ITPKB: variants seen among roughly 807,000 people sequenced by gnomAD.
The protein encoded by ITPKB is inositol-trisphosphate 3-kinase B.
Under a neutral mutation model 69.4 loss-of-function variants are expected in ITPKB, and 13 were observed. That is an observed-to-expected ratio of 0.19 (90% CI 0.12 to 0.30). ITPKB has a LOEUF of 0.30. ITPKB is among the 10% of genes least tolerant of loss of function. The probability of loss-of-function intolerance (pLI) is 1.00; values close to 1 mark genes in which losing one functional copy is unlikely to be tolerated. For missense variants in ITPKB, 1,240 were observed against 1,250.5 expected (o/e 0.99, Z 0.13); for synonymous variants, 584 against 513.7 (o/e 1.14, Z -1.85).
intron 2 of ITPKB, among the ~76,000 whole-genome samples, chr1:226,728,817 G>C (rs755928065): frequency 1.3e-5 from 2 of 152,064 alleles, no homozygotes; most frequent in African/African-American, 2.4e-5. Flanking sequence ...GTGTAGACTG[G>C]AATTTCACCC....
intron 2 of ITPKB, among the ~76,000 whole-genome samples, chr1:226,659,958 C>T (rs954827314): frequency 1.3e-5 from 2 of 152,216 alleles, no homozygotes; most frequent in African/African-American, 2.4e-5. Context: ...AGATAAAGCA[C>T]ACCTACACCA....
Position 226,737,202 on chromosome 1 carries a change from C to A in ITPKB, c.257G>T (p.Ser86Ile). 1 of 1,585,888 alleles carries A rather than the reference C, an allele frequency of 6.3e-7. No individual in the cohort carries two copies. Residue 86 changes from serine (S) to isoleucine (I), a missense_variant, in exon 2 of 8, where the codon AGC becomes ATC. Around this residue, in one of 2 missense-constraint regions of ITPKB, gnomAD observed 992 missense variants for 853.8 expected, o/e 1.16. Coordinates refer to ENST00000429204, the MANE Select transcript of ITPKB (RefSeq NM_002221.4). The stretch of plus-strand genomic sequence containing the variant: ...GCCGCTGCTGCCGCTGCCACTGCCG[C>A]TGCTACTATTCAGCCTGCGCCGGCC... ...RSGRRRLNSSSGSGSGSSGSS... is the reference protein window; with the variant it reads ...RSGRRRLNSSIGSGSGSSGSS...
rs1223941369 is a variant in ITPKB at position 226,716,559 on chromosome 1, T to C, written c.1932+18968A>G. Reference sequence around the variant, plus strand: ...ATGCATTAGCTATTTATCCTGATGCTTTCCCTACCTCCACCCGCAAAAGGC... The same window carrying C: ...ATGCATTAGCTATTTATCCTGATGCCTTCCCTACCTCCACCCGCAAAAGGC... On this transcript the variant is annotated intron_variant, in intron 2 of 7. Transcript: ENST00000429204. Among the ~76,000 whole-genome samples the C allele has an allele frequency of 2.0e-5, 3 of 152,356 alleles. No individual in the cohort carries two copies. The East Asian group carries it at 5.8e-4, about 29-fold the overall frequency.
chr1:226,649,396 G>C (rs1161076964), intron 2 of ITPKB, among the ~76,000 whole-genome samples: 1 of 144,638 alleles, frequency 6.9e-6, no homozygotes, highest in African/African-American at 2.6e-5. Context: ...GTGTGCATGA[G>C]TGTGTGTGCA....
intron 7 of ITPKB, among the ~76,000 whole-genome samples, chr1:226,636,120 AGGGT>A (rs1558298191): frequency 1.3e-5 from 2 of 152,234 alleles, no homozygotes; most frequent in Non-Finnish European, 2.9e-5. Context: ...GTGTTGAAGA[AGGGT>A]GGGAACGGCT....
At position 226,632,817 on chromosome 1, in the gene ITPKB, C is replaced by T. The variant is rs1668753355; in HGVS notation, c.*1854G>A. 1 of 152,650 alleles carries T rather than the reference C, an allele frequency of 6.6e-6. No homozygotes were observed. Among genetic ancestry groups the T allele is most frequent in the Non-Finnish European group, 1.5e-5 (1 of 68,044 alleles). 9.5% of individuals were successfully genotyped at this position (152,650 alleles called of 1,614,324 possible). On this transcript the variant is annotated 3_prime_UTR_variant, in exon 8 of 8. Transcript: ENST00000429204. ...AGATGGAGTAAGGATAACTTTTGGCCAGTCCATATTCATAGAATCTTTACG... is the reference window on the plus strand; with the variant it reads ...AGATGGAGTAAGGATAACTTTTGGCTAGTCCATATTCATAGAATCTTTACG...
At position 226,632,043 on chromosome 1, in the gene ITPKB, G is replaced by A. The variant is rs1027654258; in HGVS notation, c.*2628C>T. On this transcript the variant is annotated 3_prime_UTR_variant, in exon 8 of 8. Coordinates refer to ENST00000429204, the MANE Select transcript of ITPKB (RefSeq NM_002221.4). ...AAAACAAAGGCAAAGCTTTCAAGGA[G>A]AAACAAGAGTCCAGCCTTTCGGTCT... 3 of 152,620 alleles carry A rather than the reference G, an allele frequency of 2.0e-5. No individual in the cohort carries two copies. Among genetic ancestry groups the A allele is most frequent in the Admixed American group, 2.0e-4 (3 of 15,278 alleles). The allele number at this position is 152,620 out of a possible 1,614,324, so 9.5% of individuals were successfully genotyped here. A position where few individuals can be genotyped will look rare whatever the true frequency, so the allele number is the denominator to read the frequency against.
intron 2 of ITPKB, among the ~76,000 whole-genome samples, chr1:226,658,526 A>C (rs12078663): frequency 0.03 from 4,533 of 152,228 alleles, 219 homozygotes; most frequent in African/African-American, 0.1. Context: ...TCCAGCTAAA[A>C]ATAAAAGTCT....
Position 226,637,322 on chromosome 1 carries a change from C to T in ITPKB, c.2625+357G>A, listed in dbSNP as rs926182473. On this transcript the variant is annotated intron_variant, in intron 7 of 7. Coordinates refer to ENST00000429204, the MANE Select transcript of ITPKB (RefSeq NM_002221.4). This position sits in a 1 kb window ranked among gnomAD's most constrained non-coding sequence, Gnocchi z 4.3. ...GGGTCTCATCTGAAGATGTAGGTGGCGGTCGGCGGGTGCCTGGCTACTCTA... is the reference window on the plus strand; with the variant it reads ...GGGTCTCATCTGAAGATGTAGGTGGTGGTCGGCGGGTGCCTGGCTACTCTA... Among the ~76,000 whole-genome samples the T allele has an allele frequency of 2.6e-5, 4 of 152,196 alleles. No homozygotes were observed. Among genetic ancestry groups the T allele is most frequent in the Admixed American group, 1.3e-4 (2 of 15,276 alleles).
intron 2 of ITPKB, among the ~76,000 whole-genome samples, chr1:226,713,857 A>G (rs1657033190): frequency 1.3e-5 from 2 of 152,172 alleles, no homozygotes; most frequent in South Asian, 4.1e-4. Flanking sequence ...TCCAGGCTAT[A>G]TTGACTTCAA....
At chr1:226,707,661 G>T in intron 2 of ITPKB, 2 of 1,011,594 alleles carry the variant, frequency 2.0e-6, no homozygotes, top group Non-Finnish European at 2.4e-6. Context: ...ATCATCACAA[G>T]GAAACATGTA....
intron 2 of ITPKB, among the ~76,000 whole-genome samples, chr1:226,703,970 ATCT>A (rs1335452026): frequency 2.0e-5 from 3 of 152,102 alleles, no homozygotes; most frequent in Non-Finnish European, 1.5e-5. Context: ...TAAAAAAAAA[ATCT>A]TCATTTCTTT....
In ITPKB at chr1:226,737,194, CACTGCCGCTGCT is replaced by C. The variant is rs768917120; in HGVS notation, c.253_264del (p.Ser85_Ser88del). 255 of 1,587,612 alleles carry C rather than the reference CACTGCCGCTGCT, an allele frequency of 1.6e-4. 3 individuals are homozygous for C. The East Asian group carries it at 5.7e-3, about 35-fold the overall frequency. On this transcript the variant is annotated inframe_deletion, in exon 2 of 8. Transcript: ENST00000429204. ...ACGCTACTGCCGCTGCTGCCGCTGCCACTGCCGCTGCTACTATTCAGCCTGCGCCGGCCGCTC... is the reference window on the plus strand; with the variant it reads ...ACGCTACTGCCGCTGCTGCCGCTGCCACTATTCAGCCTGCGCCGGCCGCTC...
chr1:226,710,437 C>T (rs1426838080), intron 2 of ITPKB, among the ~76,000 whole-genome samples: 1 of 152,118 alleles, frequency 6.6e-6, no homozygotes, highest in East Asian at 1.9e-4. Context: ...TAAACCGTTT[C>T]CTTCCTTTCT....
At chr1:226,658,740 C>T (rs1669345450) in intron 2 of ITPKB, among the ~76,000 whole-genome samples, 2 of 152,184 alleles carry the variant, frequency 1.3e-5, no homozygotes, top group Admixed American at 6.5e-5. Flanking sequence ...TTCTCCCCCG[C>T]CCTTTATGGA....
chr1:226,714,874 C>T (rs1306998529), intron 2 of ITPKB, among the ~76,000 whole-genome samples: 3 of 152,174 alleles, frequency 2.0e-5, no homozygotes, highest in Non-Finnish European at 4.4e-5. Flanking sequence ...CAATCAGGGG[C>T]GATTCTCCCC....
rs377358230 is a variant in ITPKB, at chr1:226,637,214, G to C, written c.2625+465C>G. 1.3e-5 allele frequency among the ~76,000 whole-genome samples: 2 copies of C among 152,192 alleles called. No individual in the cohort carries two copies. Among genetic ancestry groups the C allele is most frequent in the African/African-American group, 4.8e-5 (2 of 41,438 alleles). On this transcript the variant is annotated intron_variant, in intron 7 of 7. Transcript: ENST00000429204. The surrounding 1 kb of genome is among the most constrained non-coding windows in gnomAD (Gnocchi z 4.3). ...CTCAGTTCCCCACCTGCTGCCTGCT[G>C]CCCCTGCCAACCAACGTATGCAAAG...
In ITPKB at chr1:226,692,387, A is replaced by G. The variant is rs137879316; in HGVS notation, c.1932+43140T>C. Among the ~76,000 whole-genome samples the G allele has an allele frequency of 1.8e-4, 28 of 152,334 alleles. No individual in the cohort carries two copies. In the East Asian group the frequency reaches 5.4e-3, roughly 29 times the overall value. ...AAGATCATCCCAGCTGCTGTGTCCC[A>G]AGTCACATGAAATGGCGGGAAGACA... On this transcript the variant is annotated intron_variant, in intron 2 of 7. Transcript: ENST00000429204.
At chr1:226,670,119 C>T (rs531739359) in intron 2 of ITPKB, among the ~76,000 whole-genome samples, 26 of 146,168 alleles carry the variant, frequency 1.8e-4, no homozygotes, top group African/African-American at 6.7e-4. Context: ...AGTGATCCGC[C>T]TGCCTCGCCC....
Sources: allele counts gnomAD v4.1 joint callset (sites outside exome capture counted in the v4.1 genomes callset), GRCh38; gene constraint gnomAD v4.1.1; regional missense constraint gnomAD v4.1.1; non-coding constraint Gnocchi (gnomAD v3.1); transcripts MANE v1.5; gene names NCBI Gene and HGNC (gene_info 2026-07-23, HGNC 2026-07-21).